Variants in TIAM1 observed in about 807,000 individuals in gnomAD.
TIAM1 encodes TIAM Rac1 associated GEF 1, also known as rho guanine nucleotide exchange factor TIAM1.
Under a neutral mutation model 163.5 loss-of-function variants are expected in TIAM1, and 65 were observed. The observed-to-expected ratio is 0.40, with a 90% CI of 0.33 to 0.49. The LOEUF (loss-of-function observed/expected upper bound fraction) is 0.49. Ranked by LOEUF, TIAM1 falls within the 20% of genes least tolerant of loss-of-function variation. The pLI, the probability that TIAM1 is intolerant of heterozygous loss-of-function variation, is 0.77. For missense variants in TIAM1, 1,789 were observed against 2,044.7 expected (o/e 0.87, Z 2.41); for synonymous variants, 833 against 810.1 (o/e 1.03, Z -0.48).
chr21:31,256,447 T>C (rs1213077408), intron 4 of TIAM1, among the ~76,000 whole-genome samples: 1 of 152,102 alleles, frequency 6.6e-6, no homozygotes, highest in Non-Finnish European at 1.5e-5. Flanking sequence ...CAATGCAGAA[T>C]TCACTGAATT....
chr21:31,263,982 A>T (rs2072620385), intron 4 of TIAM1, among the ~76,000 whole-genome samples: 1 of 152,200 alleles, frequency 6.6e-6, no homozygotes, highest in South Asian at 2.1e-4. Context: ...CAGGTGGGTT[A>T]TCTGGTCATT....
intron 1 of TIAM1, among the ~76,000 whole-genome samples, chr21:31,508,350 T>TA (rs1247919964): frequency 2.6e-5 from 4 of 151,752 alleles, no homozygotes; most frequent in Non-Finnish European, 4.4e-5. Context: ...AGGAGAGAGA[T>TA]AGAGAAATAA....
chr21:31,278,275 C>G (rs749364555), intron 2 of TIAM1, among the ~76,000 whole-genome samples: 1 of 152,140 alleles, frequency 6.6e-6, no homozygotes, highest in Non-Finnish European at 1.5e-5. Flanking sequence ...AGAATATGCA[C>G]AGGAAAAAAT....
intron 1 of TIAM1, among the ~76,000 whole-genome samples, chr21:31,526,758 G>A (rs1569413057): frequency 6.6e-6 from 1 of 152,122 alleles, no homozygotes; most frequent in Non-Finnish European, 1.5e-5. Flanking sequence ...CTGGAGTAGA[G>A]GGGCATGATC....
At chr21:31,379,966 T>C (rs1317601748) in intron 2 of TIAM1, among the ~76,000 whole-genome samples, 1 of 152,146 alleles carries the variant, frequency 6.6e-6, no homozygotes, top group African/African-American at 2.4e-5. Context: ...ATAAATGTAC[T>C]AAAATTATGG....
intron 19 of TIAM1, among the ~76,000 whole-genome samples, chr21:31,148,993 G>GTTTTTTT (rs1568921557): frequency 5.3e-5 from 8 of 150,876 alleles, no homozygotes; most frequent in African/African-American, 2.0e-4. Flanking sequence ...ACAATGAGGA[G>GTTTTTTT]TTTAAAAAGA....
At position 31,305,311 on chromosome 21, in the gene TIAM1, T is replaced by C. The variant is rs142935061; in HGVS notation, c.-188-28403A>G. 6.2e-3 allele frequency among the ~76,000 whole-genome samples: 946 copies of C among 151,400 alleles called. 8 individuals carry two copies. Among genetic ancestry groups the C allele is most frequent in the African/African-American group, 0.022 (915 of 41,216 alleles). On this transcript the variant is annotated intron_variant, in intron 2 of 27. Coordinates refer to ENST00000541036, the MANE Select transcript of TIAM1 (RefSeq NM_001353694.2). Reference sequence around the variant, plus strand: ...ATATAGAAAATTAGATGATACCGAATAAGCGATTGGTTCTACAACTGGCCA... The same window carrying C: ...ATATAGAAAATTAGATGATACCGAACAAGCGATTGGTTCTACAACTGGCCA...
intron 2 of TIAM1, among the ~76,000 whole-genome samples, chr21:31,379,264 G>A (rs66593147): frequency 2.6e-5 from 4 of 152,154 alleles, no homozygotes; most frequent in East Asian, 1.9e-4. Flanking sequence ...GAGCCACCTC[G>A]CCTGGCCTAC....
intron 12 of TIAM1, among the ~76,000 whole-genome samples, chr21:31,197,141 C>T (rs183056494): frequency 1.3e-5 from 2 of 152,258 alleles, no homozygotes; most frequent in African/African-American, 4.8e-5. Context: ...GGGCACTAGG[C>T]TTACTACCTA....
intron 2 of TIAM1, among the ~76,000 whole-genome samples, chr21:31,382,950 A>G (rs561853415): frequency 1.1e-4 from 17 of 152,342 alleles, no homozygotes; most frequent in South Asian, 1.0e-3. Flanking sequence ...TTAGAAGTGT[A>G]AAACATAGGC....
At chr21:31,272,479 T>TAAAAA (rs36107845) in intron 3 of TIAM1, among the ~76,000 whole-genome samples, 1 of 133,132 alleles carries the variant, frequency 7.5e-6, no homozygotes, top group African/African-American at 2.7e-5. Context: ...AAGCCTTTTG[T>TAAAAA]AAAAAAAAAA....
chr21:31,396,827 T>G (rs1425001219), intron 2 of TIAM1, among the ~76,000 whole-genome samples: 1 of 151,844 alleles, frequency 6.6e-6, no homozygotes, highest in African/African-American at 2.4e-5. Context: ...AGCAGATGCC[T>G]GTAATCCGAG....
At chr21:31,165,151 T>A (rs2084146231) in intron 15 of TIAM1, 86 bp from the exon 16 acceptor site, 1 of 1,213,182 alleles carries the variant, frequency 8.2e-7, no homozygotes, top group Non-Finnish European at 1.2e-6. Context: ...ACAAGGAATC[T>A]CGCTCATGAC....
rs770259428 is a variant in TIAM1 at position 31,154,340 on chromosome 21, C to T, written c.3078G>A (p.Gly1026=). Residue 1026 remains glycine (G), a synonymous_variant, in exon 17 of 28, where the codon GGG becomes GGA. Transcript: ENST00000541036. ...GTTGTCTCATGGTCGCCAGCTGAGG[C>T]CCCGTGGAGTCCTGAGGAGATGGGC... ...DQSPSPQDST[G]PQLATMRQLS... 2 of 1,614,126 alleles carry T rather than the reference C, an allele frequency of 1.2e-6. No individual in the cohort carries two copies. The highest frequency in any genetic ancestry group is 1.1e-5 in the South Asian group (1 of 91,076).
At chr21:31,382,234 G>T (rs541754603) in intron 2 of TIAM1, among the ~76,000 whole-genome samples, 3 of 152,316 alleles carry the variant, frequency 2.0e-5, no homozygotes, top group Admixed American at 6.5e-5. Flanking sequence ...CTAGATGTTT[G>T]AACGCTTATC....
intron 1 of TIAM1, among the ~76,000 whole-genome samples, chr21:31,486,556 T>C (rs2046279054): frequency 6.6e-6 from 1 of 152,270 alleles, no homozygotes; most frequent in Non-Finnish European, 1.5e-5. Flanking sequence ...GGTGCTGCTC[T>C]GGGCTTGGTT....
At chr21:31,250,750 T>C (rs1272684169) in intron 5 of TIAM1, among the ~76,000 whole-genome samples, 1 of 152,216 alleles carries the variant, frequency 6.6e-6, no homozygotes. Flanking sequence ...TGTTTTTCCT[T>C]TTAAAATATA....
intron 6 of TIAM1, among the ~76,000 whole-genome samples, chr21:31,243,209 A>AAAAATATAT (rs59419171): frequency 4.3e-5 from 5 of 117,280 alleles, no homozygotes; most frequent in African/African-American, 1.9e-4. Flanking sequence ...AAAAAAAAAA[A>AAAAATATAT]ATATATATAT....
chr21:31,208,883 T>C (rs1242667385), intron 11 of TIAM1, among the ~76,000 whole-genome samples: 2 of 152,228 alleles, frequency 1.3e-5, no homozygotes, highest in Non-Finnish European at 2.9e-5. Context: ...TGTTGAATGA[T>C]GAGATCTTTA....
Sources: allele counts gnomAD v4.1 joint callset (sites outside exome capture counted in the v4.1 genomes callset), GRCh38; gene constraint gnomAD v4.1.1; transcripts MANE v1.5; gene names NCBI Gene and HGNC (gene_info 2026-07-23, HGNC 2026-07-21).